NSDHL: variants seen among roughly 807,000 people sequenced by gnomAD.
NSDHL encodes the protein NAD(P) dependent 3-beta-hydroxysteroid dehydrogenase NSDHL, also known as sterol-4-alpha-carboxylate 3-dehydrogenase, decarboxylating.
In NSDHL, 1 loss-of-function variant was observed where a neutral mutation model predicts 23.0. The observed-to-expected ratio is 0.04, with a 90% CI of 0.02 to 0.21. The LOEUF (loss-of-function observed/expected upper bound fraction) is 0.21. Ranked by LOEUF, NSDHL falls within the 10% of genes least tolerant of loss-of-function variation. The pLI, the probability that NSDHL is intolerant of heterozygous loss-of-function variation, is 1.00. For missense variants in NSDHL, 237 were observed against 300.9 expected, an observed-to-expected ratio of 0.79 and a Z score of 1.57; for synonymous variants, 128 against 121.1, an observed-to-expected ratio of 1.06 and a Z score of -0.37.
At chrX:152,848,603 A>T (rs781808235) in intron 2 of NSDHL, among the ~76,000 whole-genome samples, 11 of 112,791 alleles carry the variant, frequency 9.8e-5, no homozygotes, top group Non-Finnish European at 1.1e-4. Flanking sequence ...GAGATTAGCA[A>T]CCTTTTGAAA....
chrX:152,842,218 G>A (rs1221299806), intron 1 of NSDHL, among the ~76,000 whole-genome samples: 1 of 111,558 alleles, frequency 9.0e-6, no homozygotes, highest in Non-Finnish European at 1.9e-5. Flanking sequence ...AGTTTTTGGG[G>A]GTATATGCCC....
rs1045805902 is a variant in NSDHL at position 152,840,969 on chromosome X, G to A, written c.-43-5313G>A. Among the ~76,000 whole-genome samples the A allele has an allele frequency of 7.1e-5, 8 of 113,054 alleles. 1 individual carries two copies. Among genetic ancestry groups the A allele is most frequent in the Admixed American group, 4.6e-4 (5 of 10,753 alleles). On this transcript the variant is annotated intron_variant, in intron 1 of 7. Coordinates refer to ENST00000370274, the MANE Select transcript of NSDHL (RefSeq NM_015922.3). ...AGCTGTGGTGGGCTCTGCCCAGTTCGAGCTTCTCAGCCACTTTGTTTACCT... is the reference window on the plus strand; with the variant it reads ...AGCTGTGGTGGGCTCTGCCCAGTTCAAGCTTCTCAGCCACTTTGTTTACCT...
intron 5 of NSDHL, among the ~76,000 whole-genome samples, chrX:152,863,047 A>C (rs1472970284): frequency 1.8e-5 from 2 of 110,243 alleles, no homozygotes; most frequent in African/African-American, 6.6e-5. Context: ...CTGTAATCCT[A>C]GCCACTTGGG....
In NSDHL at chrX:152,846,450, A is replaced by G; in HGVS notation, c.108+18A>G. ...AGAATCAGGTAAGGAGAAAGTTGAC[A>G]CGTACATACCAACAGGCTGATACTA... On this transcript the variant is annotated intron_variant, in intron 2 of 7. Coordinates refer to ENST00000370274, the MANE Select transcript of NSDHL (RefSeq NM_015922.3). 1 of 1,030,610 alleles carries G rather than the reference A, an allele frequency of 9.7e-7. No individual in the cohort carries two copies. The highest frequency in any genetic ancestry group is 1.4e-6 in the Non-Finnish European group (1 of 729,736). The allele number at this position is 1,030,610 out of a possible 1,213,427, so 84.9% of individuals were successfully genotyped here. A position where few individuals can be genotyped will look rare whatever the true frequency, so the allele number is the denominator to read the frequency against.
At chrX:152,843,967 C>T (rs782575247) in intron 1 of NSDHL, among the ~76,000 whole-genome samples, 1 of 111,708 alleles carries the variant, frequency 9.0e-6, no homozygotes, top group Non-Finnish European at 1.9e-5. Flanking sequence ...ACCTGGGAGC[C>T]GTTTCCAGGA....
At position 152,862,846 on chromosome X, in the gene NSDHL, T is replaced by A. The variant is rs781799581; in HGVS notation, c.543+122T>A. On this transcript the variant is annotated intron_variant, in intron 5 of 7. Coordinates refer to ENST00000370274, the MANE Select transcript of NSDHL (RefSeq NM_015922.3). Reference sequence around the variant, plus strand: ...CGTACCTGATTTGAGATGTAAAATTTGTGGGTGAAATTAAATTTAAAAATA... The same window carrying A: ...CGTACCTGATTTGAGATGTAAAATTAGTGGGTGAAATTAAATTTAAAAATA... 5 of 721,332 alleles carry A rather than the reference T, an allele frequency of 6.9e-6. No individual in the cohort carries two copies. The Admixed American group carries it at 1.2e-4, about 17-fold the overall frequency. The allele number at this position is 721,332 out of a possible 1,213,427, so 59.4% of individuals were successfully genotyped here.
intron 2 of NSDHL, among the ~76,000 whole-genome samples, chrX:152,848,668 G>A (rs187548260): frequency 1.1e-3 from 129 of 112,300 alleles, no homozygotes; most frequent in Non-Finnish European, 1.7e-3. Flanking sequence ...AAATCTTTCA[G>A]GATGCTTTAG....
At chrX:152,858,709 T>C in intron 3 of NSDHL, 61 bp from the exon 4 acceptor site, 4 of 1,085,263 alleles carry the variant, frequency 3.7e-6, no homozygotes, top group Non-Finnish European at 5.1e-6. Context: ...GGTGAAAACA[T>C]GAGAATGCCA....
chrX:152,852,761 A>C (rs1556846456), intron 3 of NSDHL, among the ~76,000 whole-genome samples: 1 of 110,627 alleles, frequency 9.0e-6, no homozygotes, highest in Non-Finnish European at 1.9e-5. Flanking sequence ...TCCCCACCAA[A>C]GTGCCCATCC....
intron 1 of NSDHL, among the ~76,000 whole-genome samples, chrX:152,840,702 C>T (rs1259540124): frequency 8.9e-6 from 1 of 112,077 alleles, no homozygotes; most frequent in African/African-American, 3.2e-5. Flanking sequence ...GGTCACCCGC[C>T]TGTATAAGGT....
At chrX:152,841,898 G>A (rs1240560638) in intron 1 of NSDHL, among the ~76,000 whole-genome samples, 2 of 112,114 alleles carry the variant, frequency 1.8e-5, no homozygotes, top group Non-Finnish European at 3.8e-5. Context: ...TCCGCCTTCA[G>A]AACTCTTTTC....
chrX:152,868,875 A>G lies in NSDHL; in HGVS notation c.881A>G (p.His294Arg). 1 of 1,210,221 alleles carries G rather than the reference A, an allele frequency of 8.3e-7. No individual in the cohort carries two copies. The highest frequency in any genetic ancestry group is 2.2e-5 in the Admixed American group (1 of 46,071). Residue 294 changes from histidine (H) to arginine (R), a missense_variant, in exon 8 of 8, where the codon CAC becomes CGC. Physicochemically the swap from His to Arg is conservative, Grantham distance 29. This residue lies in a region of NSDHL where 117 missense variants were observed against 99.5 expected (regional missense o/e 1.18). Coordinates refer to ENST00000370274, the MANE Select transcript of NSDHL (RefSeq NM_015922.3). ...CTCAATTATGAGGCCCCCAAGTACC[A>G]CATCCCCTACTGGGTGGCCTACTAC... Reference protein sequence around the residue: ...TGLNYEAPKYHIPYWVAYYLA... With the variant: ...TGLNYEAPKYRIPYWVAYYLA...
intron 3 of NSDHL, among the ~76,000 whole-genome samples, chrX:152,851,425 A>G (rs1301580788): frequency 9.0e-6 from 1 of 111,233 alleles, no homozygotes; most frequent in Non-Finnish European, 1.9e-5. Flanking sequence ...TCTAGTTGGG[A>G]TGCCAATCCT....
chrX:152,836,465 G>T (rs1233584301), intron 1 of NSDHL, among the ~76,000 whole-genome samples: 4 of 111,649 alleles, frequency 3.6e-5, no homozygotes, highest in African/African-American at 6.5e-5. Context: ...AATCCATCTT[G>T]AATTAATTTT....
chrX:152,867,489 C>T (rs56228545), intron 6 of NSDHL, 82 bp from the exon 7 acceptor site: 83 of 736,503 alleles, frequency 1.1e-4, no homozygotes, highest in Non-Finnish European at 1.7e-4. Flanking sequence ...CACAGTCTCT[C>T]AAATGCCAAG....
At chrX:152,867,707 C>G (rs1556848264) in intron 7 of NSDHL, 34 bp downstream of exon 7, 1 of 1,016,935 alleles carries the variant, frequency 9.8e-7, no homozygotes, top group Non-Finnish European at 1.4e-6. Flanking sequence ...TGCACAGGTG[C>G]CTTTCTGCGG....
intron 1 of NSDHL, among the ~76,000 whole-genome samples, chrX:152,836,095 GTCT>G (rs1933092022): frequency 8.9e-6 from 1 of 112,457 alleles, no homozygotes; most frequent in Non-Finnish European, 1.9e-5. Flanking sequence ...CTGCATAAAT[GTCT>G]TCTTATGAGA....
At chrX:152,831,719 A>G (rs1556843431) in intron 1 of NSDHL, 2 of 111,462 alleles carry the variant, frequency 1.8e-5, no homozygotes, top group African/African-American at 6.5e-5. Flanking sequence ...GGAGAATTAA[A>G]AGGGAGCGTG....
chrX:152,840,442 T>A (rs1933172331), intron 1 of NSDHL, among the ~76,000 whole-genome samples: 1 of 112,528 alleles, frequency 8.9e-6, no homozygotes. Context: ...TTTGTGGTTT[T>A]ATCTACCTTT....
Sources: allele counts gnomAD v4.1 joint callset (sites outside exome capture counted in the v4.1 genomes callset), GRCh38; gene constraint gnomAD v4.1.1; regional missense constraint gnomAD v4.1.1; transcripts MANE v1.5; gene names NCBI Gene and HGNC (gene_info 2026-07-23, HGNC 2026-07-21).